DPF1: variants seen among roughly 807,000 people sequenced by gnomAD.
DPF1 encodes zinc finger protein neuro-d4.
A neutral mutation model predicts 58.7 loss-of-function variants in DPF1; 14 were observed. That is an observed-to-expected ratio of 0.24 (90% CI 0.16 to 0.37). The LOEUF (loss-of-function observed/expected upper bound fraction) is 0.37. Among genes scored for constraint, DPF1 ranks in the 10% least tolerant of loss-of-function variants. The pLI is 1.00. For missense variants in DPF1, 345 were observed against 529.9 expected, an observed-to-expected ratio of 0.65 and a Z score of 3.43; for synonymous variants, 216 against 216.0, an observed-to-expected ratio of 1.00 and a Z score of 0.00.
At chr19:38,216,053 T>G (rs1966993179) in intron 9 of DPF1, 87 bp downstream of exon 9, 1 of 1,520,572 alleles carries the variant, frequency 6.6e-7, no homozygotes, top group Non-Finnish European at 8.8e-7. Flanking sequence ...CCCTCGGTCC[T>G]CACCGCCTTG....
chr19:38,212,774 C>CTTTT (rs11367248), intron 10 of DPF1, among the ~76,000 whole-genome samples: 9 of 81,690 alleles, frequency 1.1e-4, no homozygotes, highest in African/African-American at 2.5e-4. Flanking sequence ...CCATGCACGA[C>CTTTT]TTTTTTTTTT....
Position 38,229,658 on chromosome 19 carries a change from T to C in DPF1, c.-231A>G. 1.3e-6 allele frequency: 1 copy of C among 758,584 alleles called. No individual in the cohort carries two copies. The highest frequency in any genetic ancestry group is 1.6e-6 in the Non-Finnish European group (1 of 622,638). 47.0% of individuals were successfully genotyped at this position (758,584 alleles called of 1,614,324 possible). ...CGCCGCGCGCGGGCCCAGCCCGGCC[T>C]GCGCCGCCCGCTCTGCCGCCCAGCG... On this transcript the variant is annotated 5_prime_UTR_variant, in exon 1 of 12. Coordinates refer to the DPF1 transcript ENST00000412732. The surrounding 1 kb of genome is among the most constrained non-coding windows in gnomAD (Gnocchi z 5.3).
Position 38,218,908 on chromosome 19 carries a change from GGGTCCCCCAGAGGT to G in DPF1, c.426+9_426+22del, listed in dbSNP as rs1326390585. 8 of 1,613,238 alleles carry G rather than the reference GGGTCCCCCAGAGGT, an allele frequency of 5.0e-6. No homozygotes were observed. The highest frequency in any genetic ancestry group is 6.8e-6 in the Non-Finnish European group (8 of 1,179,780). ...GGGGTGAGACGAAGCCATGCAGCGG[GGGTCCCCCAGAGGT>G]GGGCCCACCTGACAGTCCATAATGG... On this transcript the variant is annotated intron_variant, in intron 4 of 11. Coordinates refer to ENST00000355526, the MANE Select transcript of DPF1 (RefSeq NM_001135155.3).
rs1973455649 is a variant in DPF1 at position 38,211,955 on chromosome 19, C to A, written c.*108G>T. 5.3e-6 allele frequency: 7 copies of A among 1,316,288 alleles called. No homozygotes were observed. The highest frequency in any genetic ancestry group is 4.9e-4 in the Middle Eastern group (2 of 4,094). 81.5% of individuals were successfully genotyped at this position (1,316,288 alleles called of 1,614,324 possible). ...GGGTGGCCCAGCCCCCTCTCGGCTT[C>A]CCCCTCTCCCCCTCCCCCTGCGGGA... On this transcript the variant is annotated 3_prime_UTR_variant, in exon 12 of 12. Transcript: ENST00000355526. This position sits in a 1 kb window ranked among gnomAD's most constrained non-coding sequence, Gnocchi z 4.0.
chr19:38,212,237 T>TGGGGGGGGGGC, intron 11 of DPF1, 43 bp downstream of exon 11: 6 of 1,256,744 alleles, frequency 4.8e-6, no homozygotes, highest in African/African-American at 1.5e-5. Context: ...GGAGATGGCG[T>TGGGGGGGGGGC]TCCCACCCAC....
At chr19:38,225,141 G>A (rs1429366641), upstream of DPF1, among the ~76,000 whole-genome samples, 1 of 152,182 alleles carries the variant, frequency 6.6e-6, no homozygotes, top group African/African-American at 2.4e-5. Context: ...CCACTCAGGA[G>A]GCTGAGGCAG....
chr19:38,226,502 CTACA>C (rs1388637866), upstream of DPF1, among the ~76,000 whole-genome samples: 12 of 112,388 alleles, frequency 1.1e-4, no homozygotes, highest in African/African-American at 2.9e-4. Context: ...ACGGTCACTT[CTACA>C]CACACACACA....
In DPF1 at chr19:38,222,100, A is replaced by AAAATAAATAAAT. The variant is rs142392815; in HGVS notation, c.298+245_298+256dup. Among the ~76,000 whole-genome samples, 4,012 of 148,156 alleles carry AAAATAAATAAAT rather than the reference A, an allele frequency of 0.027. 63 individuals are homozygous for AAAATAAATAAAT. The highest frequency in any genetic ancestry group is 0.047 in the East Asian group (240 of 5,054). On this transcript the variant is annotated intron_variant, in intron 3 of 11. Transcript: ENST00000355526. This position sits in a 1 kb window ranked among gnomAD's most constrained non-coding sequence, Gnocchi z 4.9. ...CCAGCCTGGGTGAAACTCTGTCTCA[A>AAAATAAATAAAT]AAATAAATAAATAAATAAATAAATA... is the stretch of plus-strand genomic sequence containing the variant.
intron 9 of DPF1, among the ~76,000 whole-genome samples, chr19:38,215,506 A>G (rs1235206023): frequency 1.3e-5 from 2 of 151,784 alleles, no homozygotes; most frequent in African/African-American, 4.8e-5. Context: ...AAACAAAACA[A>G]AACAAAACAA....
chr19:38,229,651 C>T lies in DPF1; in HGVS notation c.-224G>A, dbSNP rs971240308. The T allele has an allele frequency of 1.3e-4, 116 of 866,776 alleles. No homozygotes were observed. Among genetic ancestry groups the T allele is most frequent in the Admixed American group, 1.9e-4 (3 of 16,148 alleles). 53.7% of individuals were successfully genotyped at this position (866,776 alleles called of 1,614,324 possible). A position where few individuals can be genotyped will look rare whatever the true frequency, so the allele number is the denominator to read the frequency against. On this transcript the variant is annotated 5_prime_UTR_variant, in exon 1 of 12. Coordinates refer to the DPF1 transcript ENST00000412732. This position sits in a 1 kb window ranked among gnomAD's most constrained non-coding sequence, Gnocchi z 5.3. ...CCGCTGCCGCCGCGCGCGGGCCCAG[C>T]CCGGCCTGCGCCGCCCGCTCTGCCG...
At chr19:38,225,660 T>C (rs183618357), upstream of DPF1, among the ~76,000 whole-genome samples, 115 of 151,798 alleles carry the variant, frequency 7.6e-4, no homozygotes, top group Non-Finnish European at 1.3e-3. Flanking sequence ...TCTGGGAGGC[T>C]GAGATGAGAG....
At position 38,220,623 on chromosome 19, in the gene DPF1, AAAAAG is replaced by A. The variant is rs926022658; in HGVS notation, c.299-1570_299-1566del. ...AGAGCAAGACTCCGTCTCAAAAAAA[AAAAAG>A]AAAAAGAAAAAGAAAAAAGAAAAAA... On this transcript the variant is annotated intron_variant, in intron 3 of 11. Coordinates refer to ENST00000355526, the MANE Select transcript of DPF1 (RefSeq NM_001135155.3). Among the ~76,000 whole-genome samples, 14 of 137,764 alleles carry A rather than the reference AAAAAG, an allele frequency of 1.0e-4. 1 individual carries two copies. Among genetic ancestry groups the A allele is most frequent in the South Asian group, 8.6e-4 (3 of 3,480 alleles). 90.4% of individuals were successfully genotyped at this position (137,764 alleles called of 152,430 possible).
chr19:38,219,048 T>C lies in DPF1; in HGVS notation c.309A>G (p.Ala103=). 6.2e-7 allele frequency: 1 copy of C among 1,613,812 alleles called. No homozygotes were observed. Among genetic ancestry groups the C allele is most frequent in the South Asian group, 1.1e-5 (1 of 91,072 alleles). ...RPCEYKIDCE[A]PLKKEGGLPE... ...GGAGGCCACCCTCCTTCTTCAGGGG[T>C]GCTTCACAGTCTGGGGACAGGGCCA... The change falls in exon 4 of 12, where the codon GCA becomes GCG. Residue 103 remains alanine, a synonymous_variant. Transcript: ENST00000355526.
At chr19:38,213,303 G>T (rs541381498) in intron 10 of DPF1, among the ~76,000 whole-genome samples, 1 of 152,274 alleles carries the variant, frequency 6.6e-6, no homozygotes, top group South Asian at 2.1e-4. Context: ...ACCCTAAGAT[G>T]ATCTGATACC....
In DPF1 at chr19:38,212,989, G is replaced by GTT. The variant is rs1186926618; in HGVS notation, c.1012-630_1012-629dup. On this transcript the variant is annotated intron_variant, in intron 10 of 11. Transcript: ENST00000355526. ...ACGGTCATGGCTTTTGTTTTTGTTT[G>GTT]TTTTTTTTTTTTTTGAGACGGAATC... 2.2e-3 allele frequency among the ~76,000 whole-genome samples: 292 copies of GTT among 133,452 alleles called. 1 individual carries two copies. Among genetic ancestry groups the GTT allele is most frequent in the African/African-American group, 7.6e-3 (278 of 36,408 alleles). The allele number at this position is 133,452 out of a possible 152,430, so 87.5% of individuals were successfully genotyped here. A position where few individuals can be genotyped will look rare whatever the true frequency, so the allele number is the denominator to read the frequency against.
chr19:38,220,286 A>AAG (rs200138958), intron 3 of DPF1, among the ~76,000 whole-genome samples: 10 of 149,600 alleles, frequency 6.7e-5, no homozygotes, highest in Admixed American at 4.7e-4. Context: ...AGAAAAGAAA[A>AAG]AGAGAGAGAG....
chr19:38,226,979 TC>T (rs61635835), upstream of DPF1, among the ~76,000 whole-genome samples: 71,401 of 134,014 alleles, frequency 0.53, 19,705 homozygotes, highest in African/African-American at 0.64. Flanking sequence ...TCTTTTCTTT[TC>T]TTCTTTTATT....
At chr19:38,226,997 C>CTTTTA (rs1301704711), upstream of DPF1, among the ~76,000 whole-genome samples, 2 of 46,070 alleles carry the variant, frequency 4.3e-5, no homozygotes, top group East Asian at 7.6e-4. Flanking sequence ...TATTTCTCTT[C>CTTTTA]CTTCCTTCCT....
intron 3 of DPF1, 114 bp from the exon 4 acceptor site, chr19:38,219,172 A>G (rs886684890): frequency 2.7e-6 from 4 of 1,471,552 alleles, no homozygotes; most frequent in Non-Finnish European, 3.7e-6. Flanking sequence ...TGCAGAGGCA[A>G]GGATTTAACC....
Sources: gnomAD v4.1 joint callset for allele counts (sites outside exome capture counted in the v4.1 genomes callset) on GRCh38, gnomAD v4.1.1 for gene constraint, Gnocchi (gnomAD v3.1) non-coding constraint, MANE v1.5 for transcripts, NCBI Gene and HGNC (gene_info 2026-07-23, HGNC 2026-07-21) for gene names.